Variants in ING2 observed in about 807,000 individuals in gnomAD.
ING2 encodes the protein inhibitor of growth family member 2.
ING2 carries 7 observed loss-of-function variants against 30.6 expected under a neutral mutation model. The ratio of observed to expected loss-of-function variants is 0.23; its 90% confidence interval spans 0.13 to 0.43. ING2 has a LOEUF of 0.43. ING2 is among the 20% of genes least tolerant of loss of function. ING2 has a pLI of 1.00. For missense variants in ING2, 239 were observed against 334.9 expected (o/e 0.71, Z 2.24); for synonymous variants, 136 against 121.7 (o/e 1.12, Z -0.78).
chr4:183,506,195 C>A, intron 1 of ING2: 3 of 1,299,166 alleles, frequency 2.3e-6, no homozygotes, highest in Non-Finnish European at 3.0e-6. Context: ...GGCGTTGGTT[C>A]GGCCCCAGCG....
Position 183,511,835 on chromosome 4 carries a change from AGTC to A in ING2, c.*884_*886del, listed in dbSNP as rs577023039. Among the ~76,000 whole-genome samples, 78 of 152,344 alleles carry A rather than the reference AGTC, an allele frequency of 5.1e-4. No homozygotes were observed. Among genetic ancestry groups the A allele is most frequent in the African/African-American group, 1.8e-3 (75 of 41,590 alleles). On this transcript the variant is annotated 3_prime_UTR_variant, in exon 2 of 2. Transcript: ENST00000302327. Reference sequence around the variant, plus strand: ...CTATCAGTGGAAAGGGGCATATAGTAGTCTTTAAATATTGCCTTTATGTCAGAG... The same window carrying A: ...CTATCAGTGGAAAGGGGCATATAGTATTTAAATATTGCCTTTATGTCAGAG...
In ING2 at chr4:183,510,737, A is replaced by G; in HGVS notation, c.628A>G (p.Asn210Asp). 1 of 1,614,202 alleles carries G rather than the reference A, an allele frequency of 6.2e-7. No homozygotes were observed. The highest frequency in any genetic ancestry group is 1.1e-5 in the South Asian group (1 of 91,082). The change falls in exon 2 of 2, where the codon AAT becomes GAT. Residue 210 changes from asparagine to aspartate, a missense_variant. By Grantham distance (23) the Asn-to-Asp change is conservative. This residue lies in a region of ING2 where 22 missense variants were observed against 77.0 expected (regional missense o/e 0.29). Transcript: ENST00000302327. ...ASPVEFAIDP[N>D]EPTYCLCNQV... is the part of the protein sequence containing the mutation. ...ACCTGTTGAGTTTGCAATAGATCCT[A>G]ATGAACCTACATACTGCTTATGCAA... is the stretch of plus-strand genomic sequence containing the variant.
In ING2 at chr4:183,512,421, CT is replaced by C. The variant is rs1364294978; in HGVS notation, c.*1470del. On this transcript the variant is annotated 3_prime_UTR_variant, in exon 2 of 2. Coordinates refer to ENST00000302327, the MANE Select transcript of ING2 (RefSeq NM_001564.4). ...GAGGATTTTAATAATGACATGACTTCTCTTTTCATTAATTTTGTCCTTCATT... is the reference window on the plus strand; with the variant it reads ...GAGGATTTTAATAATGACATGACTTCCTTTTCATTAATTTTGTCCTTCATT... Among the ~76,000 whole-genome samples, 2 of 152,074 alleles carry C rather than the reference CT, an allele frequency of 1.3e-5. No individual in the cohort carries two copies. The highest frequency in any genetic ancestry group is 3.8e-4 in the East Asian group (2 of 5,196).
chr4:183,506,672 TTAA>T (rs895966408), intron 1 of ING2, among the ~76,000 whole-genome samples: 11 of 152,148 alleles, frequency 7.2e-5, no homozygotes, highest in Admixed American at 3.9e-4. Context: ...ATCCTATACT[TTAA>T]AAGTCTCTAA....
At chr4:183,506,114 C>T in intron 1 of ING2, 1 of 1,213,296 alleles carries the variant, frequency 8.2e-7, no homozygotes, top group Non-Finnish European at 1.1e-6. Flanking sequence ...TCCCGCGGGC[C>T]TGGAAAATGG....
At chr4:183,509,943 C>G (rs1734781892) in intron 1 of ING2, among the ~76,000 whole-genome samples, 1 of 145,532 alleles carries the variant, frequency 6.9e-6, no homozygotes. Flanking sequence ...ACTATCTTGG[C>G]CAGGTTGGTC....
chr4:183,510,751 C>T lies in ING2; in HGVS notation c.642C>T (p.Tyr214=). The T allele has an allele frequency of 6.2e-7, 1 of 1,614,216 alleles. No homozygotes were observed. ...CAATAGATCCTAATGAACCTACATA[C>T]TGCTTATGCAACCAAGTGTCTTATG... ...EFAIDPNEPT[Y]CLCNQVSYGE... is the part of the protein sequence containing the mutation. The change falls in exon 2 of 2, where the codon TAC becomes TAT. Residue 214 remains tyrosine, a synonymous_variant. Transcript: ENST00000302327.
intron 1 of ING2, among the ~76,000 whole-genome samples, chr4:183,507,774 G>A (rs75750732): frequency 6.6e-6 from 1 of 152,096 alleles, no homozygotes; most frequent in East Asian, 1.9e-4. Flanking sequence ...AATATTTCTA[G>A]CAATATTTAG....
rs1417502283 is a variant in ING2, at chr4:183,510,319, T to C, written c.210T>C (p.Tyr70=). 1.9e-6 allele frequency: 3 copies of C among 1,593,608 alleles called. No homozygotes were observed. Among genetic ancestry groups the C allele is most frequent in the African/African-American group, 1.4e-5 (1 of 73,436 alleles). ...LKEIDDVYEK[Y]KKEDDLNQKK... is the part of the protein sequence containing the mutation. Reference sequence around the variant, plus strand: ...AAATTGATGATGTCTACGAAAAATATAAGAAAGAAGATGATTTAAACCAGA... The same window carrying C: ...AAATTGATGATGTCTACGAAAAATACAAGAAAGAAGATGATTTAAACCAGA... The change falls in exon 2 of 2, where the codon TAT becomes TAC. Residue 70 remains tyrosine (Y), a synonymous_variant. Transcript: ENST00000302327.
At chr4:183,506,773 A>G (rs1469523379) in intron 1 of ING2, among the ~76,000 whole-genome samples, 11 of 141,226 alleles carry the variant, frequency 7.8e-5, no homozygotes, top group Admixed American at 2.2e-4. Flanking sequence ...GATTCATAGG[A>G]CTGATCCGTG....
chr4:183,506,043 C>G, intron 1 of ING2: 12 of 1,098,900 alleles, frequency 1.1e-5, no homozygotes, highest in Non-Finnish European at 1.4e-5. Flanking sequence ...GGGGAGGGCC[C>G]CCGCGCCGGG....
At chr4:183,506,247 T>G in intron 1 of ING2, 1 of 1,304,242 alleles carries the variant, frequency 7.7e-7, no homozygotes. Context: ...CGGTGATGTT[T>G]CCAACCTCTT....
In ING2 at chr4:183,512,158, G is replaced by A. The variant is rs1036615154; in HGVS notation, c.*1206G>A. The stretch of plus-strand genomic sequence containing the variant: ...CTAGTTCTTTAAATCTGTGTGTAAC[G>A]TATGTTTTATTCCTCATTTCTTCCT... On this transcript the variant is annotated 3_prime_UTR_variant, in exon 2 of 2. Transcript: ENST00000302327. Among the ~76,000 whole-genome samples the A allele has an allele frequency of 2.0e-5, 3 of 151,966 alleles. No homozygotes were observed. The highest frequency in any genetic ancestry group is 7.3e-5 in the African/African-American group (3 of 41,374).
intron 1 of ING2, among the ~76,000 whole-genome samples, chr4:183,508,054 G>C (rs937884340): frequency 1.3e-5 from 2 of 151,932 alleles, no homozygotes; most frequent in African/African-American, 4.8e-5. Flanking sequence ...TACACTGCGA[G>C]GTCAGACATA....
intron 1 of ING2, chr4:183,506,368 G>A: frequency 1.6e-6 from 2 of 1,221,016 alleles, no homozygotes; most frequent in South Asian, 2.5e-5. Context: ...GAAGTGGGTT[G>A]GTTGACTGGG....
chr4:183,505,831 G>A (rs1734623862), intron 1 of ING2, among the ~76,000 whole-genome samples: 2 of 151,930 alleles, frequency 1.3e-5, no homozygotes, highest in South Asian at 2.1e-4. Context: ...GCGGGGGGAG[G>A]GGGCGAGAGG....
chr4:183,506,795 G>A (rs1313510742), intron 1 of ING2, among the ~76,000 whole-genome samples: 1 of 151,890 alleles, frequency 6.6e-6, no homozygotes, highest in Non-Finnish European at 1.5e-5. Flanking sequence ...TTGGGGAGGG[G>A]GTGGGGAGGG....
chr4:183,506,318 C>T lies in ING2; in HGVS notation c.172+951C>T, dbSNP rs536368326. The T allele has an allele frequency of 4.2e-4, 554 of 1,303,580 alleles. 1 individual carries two copies. The African/African-American group carries it at 7.3e-3, about 17-fold the overall frequency. 80.8% of individuals were successfully genotyped at this position (1,303,580 alleles called of 1,614,324 possible). A position where few individuals can be genotyped will look rare whatever the true frequency, so the allele number is the denominator to read the frequency against. On this transcript the variant is annotated intron_variant, in intron 1 of 1. Coordinates refer to ENST00000302327, the MANE Select transcript of ING2 (RefSeq NM_001564.4). ...CGGACCGTCGCGGATCCTGGCTCCGCGTAGGTTCCGGGACATGTGTCACTT... is the reference window on the plus strand; with the variant it reads ...CGGACCGTCGCGGATCCTGGCTCCGTGTAGGTTCCGGGACATGTGTCACTT...
chr4:183,511,202 AT>A lies in ING2; in HGVS notation c.*252del, dbSNP rs903107820. The A allele has an allele frequency of 1.7e-5, 5 of 291,590 alleles. No homozygotes were observed. Among genetic ancestry groups the A allele is most frequent in the Non-Finnish European group, 3.1e-5 (5 of 158,760 alleles). The allele number at this position is 291,590 out of a possible 1,614,324, so 18.1% of individuals were successfully genotyped here. On this transcript the variant is annotated 3_prime_UTR_variant, in exon 2 of 2. Transcript: ENST00000302327. ...GGAACAGGAAGAGGGTGGTGTAAAC[AT>A]TATAAAAATTTCACAAACCATGCCT...
Sources: allele counts gnomAD v4.1 joint callset (sites outside exome capture counted in the v4.1 genomes callset), GRCh38; gene constraint gnomAD v4.1.1; regional missense constraint gnomAD v4.1.1; transcripts MANE v1.5; gene names NCBI Gene and HGNC (gene_info 2026-07-23, HGNC 2026-07-21).